The following CDHR2 variants were observed in gnomAD, a reference collection of about 807,000 sequenced individuals.
CDHR2 encodes the protein cadherin related family member 2.
A neutral mutation model predicts 138.6 loss-of-function variants in CDHR2; 104 were observed. The ratio of observed to expected loss-of-function variants is 0.75; its 90% confidence interval spans 0.64 to 0.88. The LOEUF is 0.88. CDHR2 is among the 40% of genes least tolerant of loss of function. The pLI is 0.00. For missense variants in CDHR2, 1,624 were observed against 1,727.6 expected (o/e 0.94, Z 1.06); for synonymous variants, 755 against 742.8 (o/e 1.02, Z -0.27).
intron 14 of CDHR2, 63 bp downstream of exon 14, chr5:176,577,861 T>TGA (rs1381133050): frequency 4.8e-5 from 70 of 1,469,476 alleles, no homozygotes; most frequent in African/African-American, 5.6e-5. Context: ...TGTGTGAGTG[T>TGA]GAGAGTGTGT....
chr5:176,582,500 G>A (rs1214602883), intron 17 of CDHR2, among the ~76,000 whole-genome samples: 1 of 152,146 alleles, frequency 6.6e-6, no homozygotes. Context: ...CAACTGAGGC[G>A]GGCCTAGTTG....
chr5:176,547,825 G>C (rs1757619049), upstream of CDHR2: 1 of 152,188 alleles, frequency 6.6e-6, no homozygotes, highest in Admixed American at 6.5e-5. Flanking sequence ...TATGCTGGTG[G>C]CGTATAAATT....
At chr5:176,578,318 ATG>A in intron 15 of CDHR2, 45 bp from the exon 16 acceptor site, 1 of 1,551,128 alleles carries the variant, frequency 6.4e-7, no homozygotes, top group Admixed American at 1.8e-5. Flanking sequence ...TCACACTGAA[ATG>A]GGCATCCTGT....
chr5:176,554,537 G>A lies in CDHR2; in HGVS notation c.-16+5123G>A, dbSNP rs570553246. Among the ~76,000 whole-genome samples the A allele has an allele frequency of 5.4e-4, 82 of 152,346 alleles. 1 individual carries two copies. Among genetic ancestry groups the A allele is most frequent in the South Asian group, 1.9e-3 (9 of 4,830 alleles). ...AGAGAAGGGCAGTGAACTGCCCAGC[G>A]AAGCTCTGCTGCTCCTTGACTCTGT... On this transcript the variant is annotated intron_variant, in intron 1 of 31. Coordinates refer to ENST00000261944, the MANE Select transcript of CDHR2 (RefSeq NM_017675.6).
At chr5:176,573,991 A>G (rs1010305754) in intron 6 of CDHR2, 92 bp from the exon 7 acceptor site, 1 of 980,930 alleles carries the variant, frequency 1.0e-6, no homozygotes, top group Non-Finnish European at 1.6e-6. Context: ...ATGAGTGCAC[A>G]GCTGAGGACA....
chr5:176,571,250 A>G lies in CDHR2; in HGVS notation c.353A>G (p.Asn118Ser). 1 of 1,612,780 alleles carries G rather than the reference A, an allele frequency of 6.2e-7. No homozygotes were observed. Among genetic ancestry groups the G allele is most frequent in the Non-Finnish European group, 8.5e-7 (1 of 1,179,574 alleles). ...REMLVIVEDRNDNAPVFQNTA... is the reference protein window; with the variant it reads ...REMLVIVEDRSDNAPVFQNTA... ...ATGCTGGTGATTGTGGAAGATAGAA[A>G]CGACAACGCACCCGTTTTCCAGAAC... The change falls in exon 6 of 32, where the codon AAC becomes AGC. Residue 118 changes from asparagine to serine, a missense_variant. Asn to Ser is a conservative substitution (Grantham distance 46). Around this residue, in one of 3 missense-constraint regions of CDHR2, gnomAD observed 1,061 missense variants for 1,136.6 expected, o/e 0.93. Transcript: ENST00000261944.
intron 6 of CDHR2, among the ~76,000 whole-genome samples, chr5:176,573,867 G>A (rs1159361332): frequency 6.6e-6 from 1 of 152,142 alleles, no homozygotes; most frequent in Non-Finnish European, 1.5e-5. Flanking sequence ...AGCCAGCTTA[G>A]GTGGTGGAGA....
chr5:176,583,526 C>T lies in CDHR2; in HGVS notation c.2059-664C>T, dbSNP rs369024009. ...CTCAGGGCATCCCCCAAGCACATGC[C>T]AGTGTTAGGAGACATAGGGGAGGGC... is the stretch of plus-strand genomic sequence containing the variant. On this transcript the variant is annotated intron_variant, in intron 17 of 31. Transcript: ENST00000261944. 1.6e-4 allele frequency among the ~76,000 whole-genome samples: 25 copies of T among 152,204 alleles called. No homozygotes were observed. The East Asian group carries it at 2.9e-3, about 18-fold the overall frequency.
intron 2 of CDHR2, 108 bp downstream of exon 2, chr5:176,565,512 C>A: frequency 7.6e-7 from 1 of 1,312,284 alleles, no homozygotes; most frequent in Non-Finnish European, 1.1e-6. Flanking sequence ...TCCTATGGGC[C>A]AGCCCTGTGC....
chr5:176,570,648 T>G (rs12519556), intron 5 of CDHR2, among the ~76,000 whole-genome samples: 1 of 152,118 alleles, frequency 6.6e-6, no homozygotes, highest in African/African-American at 2.4e-5. Context: ...CTGGCTGGCA[T>G]ATTTTATATT....
chr5:176,571,206 C>T lies in CDHR2; in HGVS notation c.316-7C>T, dbSNP rs761972078. ...TTCTGGGGTCCCCTGGGCTTTCTCA[C>T]TTGCAGGTGCAGAGGGAGATGCTGG... On this transcript the variant is annotated splice_region_variant and splice_polypyrimidine_tract_variant and intron_variant, in intron 5 of 31. Transcript: ENST00000261944. 5 of 1,607,480 alleles carry T rather than the reference C, an allele frequency of 3.1e-6. No individual in the cohort carries two copies. The African/African-American group carries it at 5.4e-5, about 17-fold the overall frequency.
At chr5:176,551,293 G>A (rs1195987190) in intron 1 of CDHR2, among the ~76,000 whole-genome samples, 12 of 151,404 alleles carry the variant, frequency 7.9e-5, no homozygotes, top group South Asian at 2.1e-4. Context: ...TCAGCCTCCC[G>A]AATAGCTGGG....
At chr5:176,545,749 G>A (rs750983680), upstream of CDHR2, among the ~76,000 whole-genome samples, 3 of 152,218 alleles carry the variant, frequency 2.0e-5, no homozygotes, top group Non-Finnish European at 4.4e-5. Flanking sequence ...TGGGCTCTTA[G>A]TCCCACTCTG....
At chr5:176,571,191 C>T (rs771694645) in intron 5 of CDHR2, 22 bp from the exon 6 acceptor site, 3 of 1,566,426 alleles carry the variant, frequency 1.9e-6, no homozygotes, top group Admixed American at 1.7e-5. Flanking sequence ...TTCTGGGGTC[C>T]CCTGGGCTTT....
chr5:176,578,485 C>G lies in CDHR2; in HGVS notation c.1695C>G (p.Asn565Lys), dbSNP rs773673735. 1 of 1,613,928 alleles carries G rather than the reference C, an allele frequency of 6.2e-7. No homozygotes were observed. Among genetic ancestry groups the G allele is most frequent in the South Asian group, 1.1e-5 (1 of 91,052 alleles). The change falls in exon 16 of 32, where the codon AAC becomes AAG. Residue 565 changes from asparagine (N) to lysine (K), a missense_variant. Around this residue, in one of 3 missense-constraint regions of CDHR2, gnomAD observed 1,061 missense variants for 1,136.6 expected, o/e 0.93. Coordinates refer to ENST00000261944, the MANE Select transcript of CDHR2 (RefSeq NM_017675.6). Reference sequence around the variant, plus strand: ...CGCTGCAGGCCACAGACGGCGGGAACCTGTCCTCCTCCACCACACTGCAGA... The same window carrying G: ...CGCTGCAGGCCACAGACGGCGGGAAGCTGTCCTCCTCCACCACACTGCAGA... ...YLTLQATDGG[N>K]LSSSTTLQIH...
chr5:176,559,887 G>A (rs936958429), intron 1 of CDHR2, among the ~76,000 whole-genome samples: 2 of 152,166 alleles, frequency 1.3e-5, no homozygotes, highest in Non-Finnish European at 2.9e-5. Context: ...GTGGGTAGAG[G>A]ACAGAGGTGT....
At chr5:176,570,689 C>T (rs985477065) in intron 5 of CDHR2, among the ~76,000 whole-genome samples, 3 of 152,154 alleles carry the variant, frequency 2.0e-5, no homozygotes, top group African/African-American at 2.4e-5. Context: ...TGGTGGTGCA[C>T]GCCTGTAATC....
chr5:176,592,586 ATGATGGTGGTGG>A, intron 30 of CDHR2, 125 bp from the exon 31 acceptor site: 1 of 700,036 alleles, frequency 1.4e-6, no homozygotes. Flanking sequence ...GGTAGTTGTG[ATGATGGTGGTGG>A]TGGTGATGGT....
At chr5:176,573,389 T>G (rs1758279307) in intron 6 of CDHR2, among the ~76,000 whole-genome samples, 1 of 151,972 alleles carries the variant, frequency 6.6e-6, no homozygotes, top group Non-Finnish European at 1.5e-5. Flanking sequence ...CCTATAATCC[T>G]AGCACTTTGG....
Sources: gnomAD v4.1 joint callset for allele counts (sites outside exome capture counted in the v4.1 genomes callset) on GRCh38, gnomAD v4.1.1 for gene constraint, gnomAD v4.1.1 regional missense constraint, MANE v1.5 for transcripts, NCBI Gene and HGNC (gene_info 2026-07-23, HGNC 2026-07-21) for gene names.